Variants in MDGA2 observed in about 807,000 individuals in gnomAD.
MDGA2 encodes MAM domain containing glycosylphosphatidylinositol anchor 2, also known as MAM domain-containing glycosylphosphatidylinositol anchor protein 2.
MDGA2 carries 40 observed loss-of-function variants against 117.8 expected under a neutral mutation model. The ratio of observed to expected loss-of-function variants is 0.34; its 90% CI spans 0.26 to 0.44. The LOEUF is 0.44. MDGA2 is among the 20% of genes least tolerant of loss of function. The pLI is 1.00. For synonymous variants in MDGA2, 452 were observed against 439.0 expected (o/e 1.03, Z -0.37); for missense variants, 1,123 against 1,250.6 (o/e 0.90, Z 1.54).
At chr14:46,880,577 T>C (rs12887122) in intron 11 of MDGA2, among the ~76,000 whole-genome samples, 19,326 of 151,320 alleles carry the variant, frequency 0.13, 1,833 homozygotes, top group Non-Finnish European at 0.19. Context: ...CCGAGGCAGG[T>C]GGATCACCTG....
At chr14:47,631,431 C>G (rs1897247633) in intron 1 of MDGA2, among the ~76,000 whole-genome samples, 1 of 152,128 alleles carries the variant, frequency 6.6e-6, no homozygotes, top group Non-Finnish European at 1.5e-5. Flanking sequence ...GATTAAATTT[C>G]TCTTATTTTT....
intron 8 of MDGA2, among the ~76,000 whole-genome samples, chr14:47,028,153 G>A (rs1411418594): frequency 3.3e-5 from 5 of 152,098 alleles, no homozygotes. Flanking sequence ...TCTCTTCGAA[G>A]TCATTATCCT....
At chr14:47,660,324 T>A (rs1295752672) in intron 1 of MDGA2, among the ~76,000 whole-genome samples, 5 of 152,236 alleles carry the variant, frequency 3.3e-5, no homozygotes, top group African/African-American at 4.8e-5. Context: ...TGGTTTCCTA[T>A]TGAAGCAGTT....
intron 2 of MDGA2, among the ~76,000 whole-genome samples, chr14:47,280,609 T>C (rs994000302): frequency 4.4e-4 from 67 of 152,078 alleles, no homozygotes; most frequent in African/African-American, 1.5e-3. Flanking sequence ...GACAGGATTC[T>C]GGATGCTCTA....
At chr14:47,036,643 T>C (rs1040175489) in intron 7 of MDGA2, among the ~76,000 whole-genome samples, 2 of 152,258 alleles carry the variant, frequency 1.3e-5, no homozygotes, top group Non-Finnish European at 2.9e-5. Flanking sequence ...ATGTTCCCTT[T>C]GGAAGTAGTA....
intron 3 of MDGA2, among the ~76,000 whole-genome samples, chr14:47,163,968 G>A (rs1051923145): frequency 1.3e-5 from 2 of 152,162 alleles, no homozygotes; most frequent in African/African-American, 4.8e-5. Context: ...GAGGGATTGA[G>A]GGCTGTGCTT....
intron 8 of MDGA2, among the ~76,000 whole-genome samples, chr14:46,988,013 T>C (rs1333023139): frequency 6.6e-6 from 1 of 151,774 alleles, no homozygotes; most frequent in Non-Finnish European, 1.5e-5. Flanking sequence ...TAGTATGTTA[T>C]GGTGAAAGGA....
intron 5 of MDGA2, 105 bp from the exon 6 acceptor site, chr14:47,097,228 A>G: frequency 7.7e-7 from 1 of 1,292,328 alleles, no homozygotes; most frequent in Non-Finnish European, 1.1e-6. Context: ...AATGAAATAT[A>G]GTCCTCTTTT....
chr14:47,316,194 T>C (rs1889804644), intron 1 of MDGA2, among the ~76,000 whole-genome samples: 3 of 152,236 alleles, frequency 2.0e-5, no homozygotes, highest in South Asian at 4.1e-4. Flanking sequence ...TTCTGGCTCA[T>C]GGCATTAACC....
chr14:47,175,446 C>T lies in MDGA2; in HGVS notation c.596-31172G>A, dbSNP rs1378549200. Among the ~76,000 whole-genome samples, 7 of 147,806 alleles carry T rather than the reference C, an allele frequency of 4.7e-5. No individual in the cohort carries two copies. The East Asian group carries it at 7.9e-4, about 17-fold the overall frequency. ...TCCAGCAGCACATCAAAAAGCTTATCCACCATGATCAAGTGGGCTTCATCC... is the reference window on the plus strand; with the variant it reads ...TCCAGCAGCACATCAAAAAGCTTATTCACCATGATCAAGTGGGCTTCATCC... On this transcript the variant is annotated intron_variant, in intron 3 of 16. Transcript: ENST00000399232.
chr14:47,149,677 T>C lies in MDGA2; in HGVS notation c.596-5403A>G, dbSNP rs536534536. On this transcript the variant is annotated intron_variant, in intron 3 of 16. Transcript: ENST00000399232. ...CAGCAGTTTGGGCATTTATACTTTA[T>C]TTAGTGGAGACCATTGCTTTCCCCA... Among the ~76,000 whole-genome samples, 3 of 152,356 alleles carry C rather than the reference T, an allele frequency of 2.0e-5. No homozygotes were observed. In the Middle Eastern group the frequency reaches 0.01, roughly 518 times the overall value.
At chr14:47,014,387 T>C (rs889382001) in intron 8 of MDGA2, among the ~76,000 whole-genome samples, 1 of 152,138 alleles carries the variant, frequency 6.6e-6, no homozygotes, top group East Asian at 1.9e-4. Flanking sequence ...TCCTTTGAAG[T>C]TTTGAAGCCA....
chr14:47,131,494 T>G (rs1222299172), intron 5 of MDGA2, among the ~76,000 whole-genome samples: 1 of 152,014 alleles, frequency 6.6e-6, no homozygotes, highest in Admixed American at 6.6e-5. Flanking sequence ...GCTATAATTT[T>G]GTATGTTATA....
chr14:47,216,989 G>A (rs1886115034), intron 3 of MDGA2, among the ~76,000 whole-genome samples: 1 of 152,032 alleles, frequency 6.6e-6, no homozygotes, highest in South Asian at 2.1e-4. Flanking sequence ...ATCCTTTCCA[G>A]AAGGAAAGCA....
intron 8 of MDGA2, among the ~76,000 whole-genome samples, chr14:46,995,911 T>A (rs1887271672): frequency 1.3e-5 from 2 of 151,936 alleles, no homozygotes; most frequent in South Asian, 4.1e-4. Context: ...TGTGTAAAGG[T>A]GACATGTTTA....
At chr14:47,209,653 C>A (rs1885812263) in intron 3 of MDGA2, among the ~76,000 whole-genome samples, 1 of 152,104 alleles carries the variant, frequency 6.6e-6, no homozygotes, top group Admixed American at 6.6e-5. Flanking sequence ...TGACAAAGCT[C>A]TTTTATTAGG....
intron 2 of MDGA2, among the ~76,000 whole-genome samples, chr14:47,292,848 T>C (rs1011755698): frequency 1.3e-5 from 2 of 152,230 alleles, no homozygotes; most frequent in African/African-American, 2.4e-5. Context: ...GCTACCCTTG[T>C]ATTTCATCCC....
At chr14:47,248,518 T>G (rs1887326703) in intron 2 of MDGA2, among the ~76,000 whole-genome samples, 1 of 151,758 alleles carries the variant, frequency 6.6e-6, no homozygotes, top group Non-Finnish European at 1.5e-5. Context: ...AAATTATATT[T>G]TTTAAAAGTT....
intron 3 of MDGA2, among the ~76,000 whole-genome samples, chr14:47,203,612 T>C (rs1281373906): frequency 6.6e-6 from 1 of 151,830 alleles, no homozygotes; most frequent in Non-Finnish European, 1.5e-5. Flanking sequence ...TGCTTTATGA[T>C]TGGCCCAAGC....
Sources: gnomAD v4.1 joint callset for allele counts (sites outside exome capture counted in the v4.1 genomes callset) on GRCh38, gnomAD v4.1.1 for gene constraint, MANE v1.5 for transcripts, NCBI Gene and HGNC (gene_info 2026-07-23, HGNC 2026-07-21) for gene names.